TMEM232: variants seen among roughly 807,000 people sequenced by gnomAD.
TMEM232 encodes transmembrane protein 232.
A neutral mutation model predicts 78.8 loss-of-function variants in TMEM232; 80 were observed. The observed-to-expected ratio is 1.01, with a 90% CI of 0.85 to 1.22. The LOEUF is 1.22. TMEM232 is among the 50% of genes most tolerant of loss of function. The pLI is 0.00. For missense variants in TMEM232, 881 were observed against 742.2 expected (o/e 1.19, Z -2.17); for synonymous variants, 297 against 254.3 (o/e 1.17, Z -1.60).
chr5:110,713,543 T>C (rs1278733321), intron 1 of TMEM232, among the ~76,000 whole-genome samples: 1 of 150,928 alleles, frequency 6.6e-6, no homozygotes, highest in African/African-American at 2.4e-5. Flanking sequence ...TATGCACCCA[T>C]AAGAAAAAAA....
At chr5:110,588,066 G>C (rs1209184695) in intron 10 of TMEM232, among the ~76,000 whole-genome samples, 1 of 151,810 alleles carries the variant, frequency 6.6e-6, no homozygotes, top group East Asian at 1.9e-4. Flanking sequence ...AGATCTAATA[G>C]AATATCATTA....
chr5:110,690,307 C>A (rs2150221395), intron 1 of TMEM232, among the ~76,000 whole-genome samples: 1 of 152,038 alleles, frequency 6.6e-6, no homozygotes, highest in South Asian at 2.1e-4. Context: ...ACAACCCCTT[C>A]AAAAAGTGGG....
At chr5:110,509,909 T>C (rs1023755512) in intron 12 of TMEM232, among the ~76,000 whole-genome samples, 5 of 152,230 alleles carry the variant, frequency 3.3e-5, no homozygotes, top group African/African-American at 1.2e-4. Flanking sequence ...TACTATATCA[T>C]ATTTTAAGGT....
chr5:110,602,732 T>G (rs1781088349), intron 10 of TMEM232, among the ~76,000 whole-genome samples: 1 of 152,192 alleles, frequency 6.6e-6, no homozygotes, highest in South Asian at 2.1e-4. Flanking sequence ...GAAGACAGTG[T>G]GGAGATTCCT....
intron 11 of TMEM232, among the ~76,000 whole-genome samples, chr5:110,553,579 C>A (rs1008647745): frequency 6.6e-6 from 1 of 152,058 alleles, no homozygotes; most frequent in African/African-American, 2.4e-5. Flanking sequence ...GATTTTGTAT[C>A]CTGAAACTTT....
intron 6 of TMEM232, 77 bp downstream of exon 6, chr5:110,627,704 T>C: frequency 9.7e-7 from 1 of 1,029,424 alleles, no homozygotes; most frequent in Non-Finnish European, 1.4e-6. Flanking sequence ...GCAGCTTACG[T>C]TCTTTATAGT....
chr5:110,676,180 CTTAGA>C (rs1011816729), intron 1 of TMEM232, among the ~76,000 whole-genome samples: 1 of 152,142 alleles, frequency 6.6e-6, no homozygotes, highest in African/African-American at 2.4e-5. Context: ...TCAATGGACA[CTTAGA>C]TTAATTTTAT....
At chr5:110,426,078 G>A (rs978837155) in intron 12 of TMEM232, among the ~76,000 whole-genome samples, 1 of 151,882 alleles carries the variant, frequency 6.6e-6, no homozygotes, top group Non-Finnish European at 1.5e-5. Flanking sequence ...CCATCCCACT[G>A]TTGCTTGTTT....
At chr5:110,548,386 T>G (rs1232873453) in intron 11 of TMEM232, among the ~76,000 whole-genome samples, 1 of 148,000 alleles carries the variant, frequency 6.8e-6, no homozygotes, top group African/African-American at 2.5e-5. Flanking sequence ...TAATTAATCT[T>G]AAATATTAAA....
intron 2 of TMEM232, among the ~76,000 whole-genome samples, 172 bp downstream of exon 2, chr5:110,667,056 T>G (rs1027362805): frequency 3.9e-5 from 6 of 152,200 alleles, no homozygotes; most frequent in Middle Eastern, 3.4e-3. Flanking sequence ...CGTGTAGAAT[T>G]CAAAATTTTA....
In TMEM232 at chr5:110,443,518, A is replaced by T. The variant is rs563619745; in HGVS notation, c.1704-18602T>A. On this transcript the variant is annotated intron_variant, in intron 12 of 13. Coordinates refer to ENST00000455884, the MANE Select transcript of TMEM232 (RefSeq NM_001039763.4). ...CCTCTGGCCCAGGACAAGCCCATAA[A>T]TGCTGTCCAATAGCCTAGGTCTGGA... Among the ~76,000 whole-genome samples, 3 of 152,186 alleles carry T rather than the reference A, an allele frequency of 2.0e-5. No homozygotes were observed. In the East Asian group the frequency reaches 5.8e-4, roughly 29 times the overall value.
At chr5:110,695,911 C>A (rs150288382) in intron 1 of TMEM232, among the ~76,000 whole-genome samples, 2 of 152,012 alleles carry the variant, frequency 1.3e-5, no homozygotes, top group Non-Finnish European at 2.9e-5. Context: ...GAAACTATTC[C>A]AATCGATAGA....
intron 1 of TMEM232, among the ~76,000 whole-genome samples, chr5:110,736,785 G>A (rs911633957): frequency 2.6e-5 from 4 of 151,806 alleles, no homozygotes; most frequent in African/African-American, 4.8e-5. Flanking sequence ...GTTCACCACC[G>A]ACAAGGCTTT....
At chr5:110,425,139 A>T (rs1208096319) in intron 12 of TMEM232, among the ~76,000 whole-genome samples, 1 of 152,094 alleles carries the variant, frequency 6.6e-6, no homozygotes, top group Non-Finnish European at 1.5e-5. Flanking sequence ...ATATAGGATG[A>T]TTAAAGTGCA....
rs146163267 is a variant in TMEM232, at chr5:110,735,809, C to G, written c.-125-794G>C. 1.1e-3 allele frequency among the ~76,000 whole-genome samples: 173 copies of G among 152,258 alleles called. 1 individual carries two copies. In the East Asian group the frequency reaches 0.025, roughly 22 times the overall value. ...TGGCAAGGAATTGAAACCTCATTAA[C>G]AGCAATCAGCAAGAAATAAAGACAT... On this transcript the variant is annotated intron_variant, in intron 1 of 4. Coordinates refer to the TMEM232 transcript ENST00000512886.
chr5:110,528,222 T>G (rs1019640695), intron 12 of TMEM232, among the ~76,000 whole-genome samples: 3 of 152,064 alleles, frequency 2.0e-5, no homozygotes, highest in African/African-American at 7.2e-5. Flanking sequence ...TGTTCAAGAC[T>G]CTAACTTAGA....
At chr5:110,401,391 A>T (rs780245994) in intron 2 of TMEM232, among the ~76,000 whole-genome samples, 3 of 151,960 alleles carry the variant, frequency 2.0e-5, no homozygotes, top group Non-Finnish European at 4.4e-5. Flanking sequence ...GGTGACTGGA[A>T]CAACATATCA....
At chr5:110,430,355 C>T (rs1757697970) in intron 12 of TMEM232, among the ~76,000 whole-genome samples, 1 of 149,928 alleles carries the variant, frequency 6.7e-6, no homozygotes. Context: ...TTAGACGTTT[C>T]CTTTTTTTTT....
chr5:110,530,176 G>A (rs538534464), intron 11 of TMEM232, among the ~76,000 whole-genome samples: 1 of 152,284 alleles, frequency 6.6e-6, no homozygotes, highest in East Asian at 1.9e-4. Context: ...GTATAGTAGA[G>A]AAAATGAGTA....
Sources: allele counts gnomAD v4.1 joint callset (sites outside exome capture counted in the v4.1 genomes callset), GRCh38; gene constraint gnomAD v4.1.1; transcripts MANE v1.5; gene names NCBI Gene and HGNC (gene_info 2026-07-23, HGNC 2026-07-21).